The following EPHA8 variants were observed in gnomAD, a reference collection of about 807,000 sequenced individuals.
EPHA8 encodes ephrin type-A receptor 8.
A neutral mutation model predicts 103.6 loss-of-function variants in EPHA8; 58 were observed. The ratio of observed to expected loss-of-function variants is 0.56; its 90% confidence interval spans 0.45 to 0.70. The LOEUF (loss-of-function observed/expected upper bound fraction) is 0.70. EPHA8 is among the 30% of genes least tolerant of loss of function. EPHA8 has a pLI of 0.00. For synonymous variants in EPHA8, 559 were observed against 572.5 expected, an observed-to-expected ratio of 0.98 and a Z score of 0.34; for missense variants, 1,304 against 1,395.2, an observed-to-expected ratio of 0.93 and a Z score of 1.04.
intron 3 of EPHA8, among the ~76,000 whole-genome samples, chr1:22,580,954 G>T (rs1641028309): frequency 6.6e-6 from 1 of 152,186 alleles, no homozygotes; most frequent in South Asian, 2.1e-4. Flanking sequence ...GCTAATGAAG[G>T]ACCTTAGTGA....
chr1:22,570,520 G>A (rs912399487), intron 2 of EPHA8, among the ~76,000 whole-genome samples: 1 of 152,260 alleles, frequency 6.6e-6, no homozygotes. Flanking sequence ...TAATGATGAT[G>A]ATAACGACAC....
intron 2 of EPHA8, among the ~76,000 whole-genome samples, chr1:22,575,787 T>G (rs1640672273): frequency 6.6e-6 from 1 of 152,034 alleles, no homozygotes. Context: ...CAAGGCATAG[T>G]CTGGTTCATA....
intron 3 of EPHA8, among the ~76,000 whole-genome samples, chr1:22,583,784 AC>A (rs1641112246): frequency 6.6e-6 from 1 of 152,158 alleles, no homozygotes; most frequent in Non-Finnish European, 1.5e-5. Context: ...GAGGACAGGA[AC>A]CCAGGTGCTA....
chr1:22,584,583 C>A (rs1641136138), intron 3 of EPHA8, among the ~76,000 whole-genome samples: 1 of 152,146 alleles, frequency 6.6e-6, no homozygotes, highest in African/African-American at 2.4e-5. Context: ...TCTGCAGTGG[C>A]CTGATGTCTT....
Position 22,576,781 on chromosome 1 carries a change from A to C in EPHA8, c.724A>C (p.Thr242Pro). The C allele has an allele frequency of 6.2e-7, 1 of 1,613,756 alleles. No homozygotes were observed. The highest frequency in any genetic ancestry group is 8.5e-7 in the Non-Finnish European group (1 of 1,180,028). The change falls in exon 3 of 17, where the codon ACA becomes CCA. Residue 242 changes from threonine (T) to proline (P), a missense_variant. Coordinates refer to ENST00000166244, the MANE Select transcript of EPHA8 (RefSeq NM_020526.5). The surrounding 1 kb of genome is among the most constrained non-coding windows in gnomAD (Gnocchi z 4.8). ...CGTGCGGCACTCAGAGGAGCGGGAC[A>C]CACCCAAGATGTACTGCAGCGCGGA... ...QCVRHSEERD[T>P]PKMYCSAEGE...
Position 22,576,798 on chromosome 1 carries a change from C to T in EPHA8, c.741C>T (p.Cys247=). ...AGCGGGACACACCCAAGATGTACTG[C>T]AGCGCGGAGGGCGAGTGGCTCGTGC... ...SEERDTPKMY[C]SAEGEWLVPI... Residue 247 remains cysteine (C), a synonymous_variant, in exon 3 of 17, where the codon TGC becomes TGT. Transcript: ENST00000166244. The surrounding 1 kb of genome is among the most constrained non-coding windows in gnomAD (Gnocchi z 4.8). The T allele has an allele frequency of 6.2e-7, 1 of 1,613,244 alleles. No homozygotes were observed. The highest frequency in any genetic ancestry group is 8.5e-7 in the Non-Finnish European group (1 of 1,179,762).
At chr1:22,572,856 G>A (rs1640581748) in intron 2 of EPHA8, among the ~76,000 whole-genome samples, 1 of 152,228 alleles carries the variant, frequency 6.6e-6, no homozygotes, top group Admixed American at 6.5e-5. Flanking sequence ...GAACAGGGCT[G>A]ATTCTGCCCT....
At chr1:22,587,579 C>T (rs190139369) in intron 4 of EPHA8, among the ~76,000 whole-genome samples, 110 of 152,298 alleles carry the variant, frequency 7.2e-4, no homozygotes, top group African/African-American at 2.6e-3. Context: ...TGTGTCCTAA[C>T]GGGCCACTCA....
Position 22,586,590 on chromosome 1 carries a change from A to G in EPHA8, c.934A>G (p.Ser312Gly). ...PAAQACHCDL[S>G]YYRAALDPPS... ...CGCCCAAGCCTGCCACTGTGACCTCAGCTACTACCGTGCAGCCCTGGACCC... is the reference window on the plus strand; with the variant it reads ...CGCCCAAGCCTGCCACTGTGACCTCGGCTACTACCGTGCAGCCCTGGACCC... Residue 312 changes from serine to glycine, a missense_variant, in exon 4 of 17, where the codon AGC becomes GGC. Coordinates refer to ENST00000166244, the MANE Select transcript of EPHA8 (RefSeq NM_020526.5). The G allele has an allele frequency of 6.2e-7, 1 of 1,613,872 alleles. No individual in the cohort carries two copies. Among genetic ancestry groups the G allele is most frequent in the Non-Finnish European group, 8.5e-7 (1 of 1,179,956 alleles).
chr1:22,573,227 A>G (rs1640592320), intron 2 of EPHA8, among the ~76,000 whole-genome samples: 1 of 152,270 alleles, frequency 6.6e-6, no homozygotes, highest in Non-Finnish European at 1.5e-5. Context: ...ATCCTCCCGC[A>G]TGGTCCCTGG....
intron 3 of EPHA8, among the ~76,000 whole-genome samples, chr1:22,577,900 T>C (rs965608366): frequency 7.7e-6 from 1 of 130,510 alleles, no homozygotes; most frequent in African/African-American, 3.2e-5. Context: ...TGTGTGCATG[T>C]GTGTGTATGT....
chr1:22,598,347 AG>A lies in EPHA8; in HGVS notation c.2178+138del. 1.2e-6 allele frequency: 1 copy of A among 824,544 alleles called. No individual in the cohort carries two copies. The highest frequency in any genetic ancestry group is 1.7e-5 in the South Asian group (1 of 59,014). The allele number at this position is 824,544 out of a possible 1,614,324, so 51.1% of individuals were successfully genotyped here. ...AGGCCGGGGGACAGGAGGCAGGTAT[AG>A]GGAGGAGGTCTTCGAGTTCAGCCAG... On this transcript the variant is annotated intron_variant, in intron 12 of 16. Transcript: ENST00000166244. The surrounding 1 kb of genome is among the most constrained non-coding windows in gnomAD (Gnocchi z 5.1).
intron 3 of EPHA8, among the ~76,000 whole-genome samples, chr1:22,579,208 CAT>C (rs1491205477): frequency 2.2e-5 from 3 of 134,696 alleles, no homozygotes; most frequent in Admixed American, 7.3e-5. Flanking sequence ...TACCTGTGTG[CAT>C]GTGTGTGTAT....
chr1:22,601,524 G>A (rs775169452), intron 16 of EPHA8, 51 bp downstream of exon 16: 1 of 1,596,540 alleles, frequency 6.3e-7, no homozygotes. Flanking sequence ...CAGGGGGGGG[G>A]ACCCCTGCCG....
chr1:22,579,085 G>A (rs961685954), intron 3 of EPHA8, among the ~76,000 whole-genome samples: 49 of 114,066 alleles, frequency 4.3e-4, no homozygotes, highest in African/African-American at 2.2e-3. Context: ...GCATGTGTAC[G>A]TGCATGTGTG....
At chr1:22,570,358 GCA>G (rs1640499835) in intron 2 of EPHA8, among the ~76,000 whole-genome samples, 1 of 105,552 alleles carries the variant, frequency 9.5e-6, no homozygotes, top group South Asian at 3.0e-4. Context: ...GTACACACAT[GCA>G]CACACGTGTG....
intron 4 of EPHA8, among the ~76,000 whole-genome samples, chr1:22,588,054 G>T (rs1162323193): frequency 6.6e-6 from 1 of 152,220 alleles, no homozygotes; most frequent in Admixed American, 6.5e-5. Context: ...GCTTAAGATC[G>T]TAAAGGCTGA....
At position 22,597,794 on chromosome 1, in the gene EPHA8, C is replaced by T. The variant is rs748931567; in HGVS notation, c.2049C>T (p.Ser683=). The T allele has an allele frequency of 3.1e-6, 5 of 1,613,036 alleles. No homozygotes were observed. The highest frequency in any genetic ancestry group is 2.2e-5 in the East Asian group (1 of 44,862). The stretch of plus-strand genomic sequence containing the variant: ...AGAGACAGAGGCGGGACTTCCTGAG[C>T]GAGGCGTCCATCATGGGGCAATTCG... ...YTERQRRDFL[S]EASIMGQFDH... Residue 683 remains serine, a synonymous_variant, in exon 11 of 17, where the codon AGC becomes AGT. Transcript: ENST00000166244. The surrounding 1 kb of genome is among the most constrained non-coding windows in gnomAD (Gnocchi z 4.6).
intron 1 of EPHA8, among the ~76,000 whole-genome samples, chr1:22,568,446 G>A (rs949712526): frequency 5.9e-5 from 9 of 152,216 alleles, no homozygotes; most frequent in Admixed American, 2.0e-4. Context: ...ATGGCCTGCC[G>A]TTGCTACAGC....
Sources: allele counts gnomAD v4.1 joint callset (sites outside exome capture counted in the v4.1 genomes callset), GRCh38; gene constraint gnomAD v4.1.1; non-coding constraint Gnocchi (gnomAD v3.1); transcripts MANE v1.5; gene names NCBI Gene and HGNC (gene_info 2026-07-23, HGNC 2026-07-21).